Variants in PHF24 observed in about 807,000 individuals in gnomAD.
PHF24 encodes the protein PHD finger protein 24, also known as Galpha inhibitory interacting protein.
Under a neutral mutation model 42.6 loss-of-function variants are expected in PHF24, and 25 were observed. That is an observed-to-expected ratio of 0.59 (90% confidence interval 0.43 to 0.82). The LOEUF is 0.82. Ranked by LOEUF, PHF24 falls within the 40% of genes least tolerant of loss-of-function variation. PHF24 has a pLI of 0.00. For missense variants in PHF24, 470 were observed against 538.1 expected, an observed-to-expected ratio of 0.87 and a Z score of 1.25; for synonymous variants, 185 against 204.8, an observed-to-expected ratio of 0.90 and a Z score of 0.83.
the PHF24 span, among the ~76,000 whole-genome samples, chr9:34,941,911 A>T: frequency 1.3e-5 from 2 of 152,086 alleles, no homozygotes; most frequent in Admixed American, 6.6e-5. Context: ...AGACCATAGC[A>T]CCCTTCCAGT....
At chr9:34,882,844 A>G in the PHF24 span, among the ~76,000 whole-genome samples, 1 of 152,344 alleles carries the variant, frequency 6.6e-6, no homozygotes, top group Non-Finnish European at 1.5e-5. Context: ...GACTTTCTTC[A>G]CAGAACTGGA....
chr9:34,708,768 T>C, the PHF24 span, among the ~76,000 whole-genome samples: 39 of 152,116 alleles, frequency 2.6e-4, no homozygotes, highest in Non-Finnish European at 5.0e-4. Flanking sequence ...CTGTTGGGGG[T>C]GTGTGCTCCA....
the PHF24 span, among the ~76,000 whole-genome samples, chr9:34,875,333 G>GTAT: frequency 4.6e-4 from 70 of 152,248 alleles, 2 homozygotes; most frequent in South Asian, 0.015. Flanking sequence ...TGACAAAAGT[G>GTAT]TATTTCTTTA....
chr9:34,705,561 G>A, the PHF24 span, among the ~76,000 whole-genome samples: 4 of 152,188 alleles, frequency 2.6e-5, no homozygotes, highest in Non-Finnish European at 5.9e-5. Flanking sequence ...GATTACAGGC[G>A]TAAGCCACTG....
the PHF24 span, chr9:34,710,137 G>T: frequency 1.5e-6 from 2 of 1,306,732 alleles, no homozygotes; most frequent in African/African-American, 1.5e-5. Flanking sequence ...GGGGGTCTGT[G>T]CGTGGGCTGG....
At chr9:34,778,392 C>A in the PHF24 span, among the ~76,000 whole-genome samples, 4 of 152,062 alleles carry the variant, frequency 2.6e-5, no homozygotes, top group Non-Finnish European at 5.9e-5. Context: ...GTATTATAGA[C>A]AAAGGTACAA....
the PHF24 span, among the ~76,000 whole-genome samples, chr9:34,925,111 A>G: frequency 6.6e-6 from 1 of 152,168 alleles, no homozygotes; most frequent in Non-Finnish European, 1.5e-5. Context: ...TCTGAATAAT[A>G]GCTTTGCTGG....
the PHF24 span, among the ~76,000 whole-genome samples, chr9:34,706,426 AGTT>A: frequency 6.6e-6 from 1 of 152,196 alleles, no homozygotes; most frequent in Admixed American, 6.5e-5. Context: ...TAGGAGTTAA[AGTT>A]GTAGGAAATT....
chr9:34,875,019 A>G, the PHF24 span, among the ~76,000 whole-genome samples: 1 of 152,194 alleles, frequency 6.6e-6, no homozygotes. Context: ...ATTACTGATT[A>G]TAGTCACCTT....
chr9:34,978,406 C>T lies in PHF24; in HGVS notation c.*295C>T, dbSNP rs574515566. The T allele has an allele frequency of 4.0e-5, 15 of 371,500 alleles. No individual in the cohort carries two copies. In the South Asian group the frequency reaches 6.3e-4, roughly 16 times the overall value. The allele number at this position is 371,500 out of a possible 1,614,324, so 23.0% of individuals were successfully genotyped here. A position where few individuals can be genotyped will look rare whatever the true frequency, so the allele number is the denominator to read the frequency against. On this transcript the variant is annotated 3_prime_UTR_variant, in exon 8 of 8. Transcript: ENST00000242315. ...CACTTATATACATGTGCACATGCTG[C>T]CCAGCTGTCCATGCCTTCAGAAGCC...
the PHF24 span, among the ~76,000 whole-genome samples, chr9:34,841,760 A>C: frequency 6.6e-6 from 1 of 152,218 alleles, no homozygotes; most frequent in East Asian, 1.9e-4. Flanking sequence ...CCAGAGGCTG[A>C]GGCAGGAAAA....
the PHF24 span, among the ~76,000 whole-genome samples, chr9:34,730,267 T>G: frequency 6.6e-6 from 1 of 152,238 alleles, no homozygotes; most frequent in Admixed American, 6.5e-5. Flanking sequence ...AGGCAGGGCA[T>G]GTGTTTTCCA....
the PHF24 span, chr9:34,723,838 A>G: frequency 2.6e-6 from 4 of 1,551,690 alleles, no homozygotes; most frequent in Non-Finnish European, 3.5e-6. Context: ...GGTCCTTCTC[A>G]GACTCTTTCT....
chr9:34,837,465 A>G, the PHF24 span: 151 of 552,728 alleles, frequency 2.7e-4, no homozygotes, highest in Admixed American at 1.1e-3. Flanking sequence ...CTTTATTCCC[A>G]TGGGAATAAT....
intron 6 of PHF24, 40 bp downstream of exon 6, chr9:34,977,283 C>G: frequency 6.5e-7 from 1 of 1,543,828 alleles, no homozygotes; most frequent in East Asian, 2.3e-5. Context: ...TCAGCCTCTC[C>G]TCCTCCCTTT....
chr9:34,971,598 A>G (rs760398749), exon 2 of PHF24: 2 of 1,613,738 alleles, frequency 1.2e-6, no homozygotes, highest in South Asian at 1.1e-5. Flanking sequence ...GTCGATTCAC[A>G]CCCCCTGCGT....
the PHF24 span, among the ~76,000 whole-genome samples, chr9:34,881,146 G>A: frequency 3.3e-4 from 50 of 152,280 alleles, 1 homozygote; most frequent in Non-Finnish European, 1.6e-4. Context: ...AAATAAAGAT[G>A]TTCTTTGAAA....
chr9:34,675,209 G>A, the PHF24 span, among the ~76,000 whole-genome samples: 2 of 152,086 alleles, frequency 1.3e-5, no homozygotes, highest in African/African-American at 2.4e-5. Context: ...TTCTCAATCC[G>A]CAAGGGCCTG....
At chr9:34,918,253 T>C in the PHF24 span, 5 of 1,486,568 alleles carry the variant, frequency 3.4e-6, no homozygotes, top group South Asian at 3.4e-5. Flanking sequence ...CGCACGTGTC[T>C]TCTCAATGAA....
Sources: gnomAD v4.1 joint callset for allele counts (sites outside exome capture counted in the v4.1 genomes callset) on GRCh38, gnomAD v4.1.1 for gene constraint, MANE v1.5 for transcripts, NCBI Gene and HGNC (gene_info 2026-07-23, HGNC 2026-07-21) for gene names.